The following TMTC1 variants were observed in gnomAD, a reference collection of about 807,000 sequenced individuals.
TMTC1 encodes transmembrane O-mannosyltransferase targeting cadherins 1, also known as protein O-mannosyl-transferase TMTC1.
In TMTC1, 73 loss-of-function variants were observed where a neutral mutation model predicts 104.8. That is an observed-to-expected ratio of 0.70 (90% confidence interval 0.58 to 0.85). TMTC1 has a LOEUF of 0.85. TMTC1 is among the 40% of genes least tolerant of loss of function. The probability of loss-of-function intolerance (pLI) is 0.00; values close to 1 mark genes in which losing one functional copy is unlikely to be tolerated. For missense variants in TMTC1, 1,035 were observed against 1,096.1 expected (o/e 0.94, Z 0.79); for synonymous variants, 434 against 428.7 (o/e 1.01, Z -0.15).
intron 9 of TMTC1, among the ~76,000 whole-genome samples, chr12:29,559,147 T>C (rs1945317580): frequency 6.6e-6 from 1 of 152,200 alleles, no homozygotes; most frequent in African/African-American, 2.4e-5. Context: ...TCCTTTTTCG[T>C]AGAGGAAATA....
At chr12:29,685,201 G>A (rs912675340) in intron 5 of TMTC1, among the ~76,000 whole-genome samples, 1 of 151,556 alleles carries the variant, frequency 6.6e-6, no homozygotes, top group Non-Finnish European at 1.5e-5. Context: ...ATTAACCAGA[G>A]CTATATTATT....
chr12:29,624,595 T>C (rs1937875130), intron 6 of TMTC1, among the ~76,000 whole-genome samples: 2 of 152,208 alleles, frequency 1.3e-5, no homozygotes, highest in Non-Finnish European at 2.9e-5. Context: ...GACTTGGCAC[T>C]GGCTTTCCCT....
chr12:29,682,356 A>G (rs931815369), intron 5 of TMTC1, among the ~76,000 whole-genome samples: 1 of 152,192 alleles, frequency 6.6e-6, no homozygotes, highest in Non-Finnish European at 1.5e-5. Context: ...TACAGTTACC[A>G]TAAAGCCCAT....
chr12:29,604,414 A>C (rs1946643930), intron 6 of TMTC1, 115 bp from the exon 7 acceptor site: 2 of 1,406,460 alleles, frequency 1.4e-6, no homozygotes, highest in African/African-American at 1.4e-5. Flanking sequence ...AAATTAGACC[A>C]ATATAAACCT....
intron 5 of TMTC1, among the ~76,000 whole-genome samples, chr12:29,661,843 C>T (rs1366067596): frequency 1.3e-5 from 2 of 152,090 alleles, no homozygotes; most frequent in Admixed American, 1.3e-4. Context: ...TTCTTGGAAC[C>T]AAACTAGGTT....
chr12:29,669,119 AC>A (rs904431229), intron 5 of TMTC1, among the ~76,000 whole-genome samples: 2 of 58,332 alleles, frequency 3.4e-5, no homozygotes, highest in African/African-American at 3.0e-4. Context: ...GCTCCAAGTG[AC>A]AAATGTAGCT....
chr12:29,621,941 C>A (rs766361387), intron 6 of TMTC1, among the ~76,000 whole-genome samples: 44 of 152,156 alleles, frequency 2.9e-4, no homozygotes, highest in Non-Finnish European at 4.3e-4. Context: ...AGATTTTTCC[C>A]CACATGGACA....
intron 5 of TMTC1, among the ~76,000 whole-genome samples, chr12:29,711,969 TG>T (rs1370407433): frequency 8.2e-6 from 1 of 121,330 alleles, no homozygotes; most frequent in Non-Finnish European, 1.6e-5. Context: ...ATCGTGCCAC[TG>T]CACTCCAGCC....
chr12:29,539,698 T>G (rs542257456), intron 10 of TMTC1, among the ~76,000 whole-genome samples: 1 of 152,372 alleles, frequency 6.6e-6, no homozygotes, highest in African/African-American at 2.4e-5. Flanking sequence ...TAAAAAAGAC[T>G]TTAGTGCTCT....
intron 11 of TMTC1, 195 bp downstream of exon 11, chr12:29,536,013 TA>T: frequency 1.8e-6 from 1 of 562,692 alleles, no homozygotes. Context: ...CATCTTTGTC[TA>T]AAAGCGACCT....
chr12:29,678,994 A>T (rs1940823220), intron 5 of TMTC1, among the ~76,000 whole-genome samples: 1 of 152,222 alleles, frequency 6.6e-6, no homozygotes, highest in Non-Finnish European at 1.5e-5. Flanking sequence ...AAATGCACAG[A>T]AAGAGTTATG....
intron 5 of TMTC1, among the ~76,000 whole-genome samples, chr12:29,651,202 T>C (rs1195045242): frequency 6.6e-6 from 1 of 152,192 alleles, no homozygotes; most frequent in Non-Finnish European, 1.5e-5. Context: ...GGAAATTTTT[T>C]TGTAGCTACC....
chr12:29,765,651 G>A (rs142423228), intron 2 of TMTC1, among the ~76,000 whole-genome samples: 1,916 of 151,902 alleles, frequency 0.013, 36 homozygotes, highest in African/African-American at 0.043. Flanking sequence ...AAATAAAACA[G>A]AAAATGATAA....
chr12:29,716,480 T>C (rs302378), intron 5 of TMTC1, among the ~76,000 whole-genome samples: 35,517 of 152,082 alleles, frequency 0.23, 4,990 homozygotes, highest in Admixed American at 0.32. Context: ...ATAACATTAA[T>C]ACTGTTTTAA....
intron 10 of TMTC1, among the ~76,000 whole-genome samples, chr12:29,549,340 T>C (rs985396921): frequency 6.6e-6 from 1 of 151,864 alleles, no homozygotes; most frequent in African/African-American, 2.4e-5. Flanking sequence ...AACTAACTTA[T>C]CGTAAAAAAA....
At chr12:29,600,444 C>A (rs1443856741) in intron 7 of TMTC1, among the ~76,000 whole-genome samples, 1 of 152,116 alleles carries the variant, frequency 6.6e-6, no homozygotes, top group South Asian at 2.1e-4. Context: ...AGTTTCCTTA[C>A]CCAGACTTTA....
In TMTC1 at chr12:29,593,571, ACTG is replaced by A. The variant is rs1246223127; in HGVS notation, c.1251-10000_1251-9998del. Among the ~76,000 whole-genome samples, 7 of 152,348 alleles carry A rather than the reference ACTG, an allele frequency of 4.6e-5. No individual in the cohort carries two copies. The East Asian group carries it at 1.4e-3, about 29-fold the overall frequency. On this transcript the variant is annotated intron_variant, in intron 7 of 17. Coordinates refer to ENST00000539277, the MANE Select transcript of TMTC1 (RefSeq NM_001193451.2). ...ACAGATATTGCAGAAGGTAAGATAC[ACTG>A]GTAGTATGTGAACTATTGTAGTCAC...
At chr12:29,568,272 G>A (rs567405149) in intron 9 of TMTC1, among the ~76,000 whole-genome samples, 1 of 152,272 alleles carries the variant, frequency 6.6e-6, no homozygotes, top group Admixed American at 6.5e-5. Context: ...GCCTGGTCTT[G>A]CAAAGCGATA....
At chr12:29,513,575 C>T (rs912548416) in intron 16 of TMTC1, among the ~76,000 whole-genome samples, 1 of 152,134 alleles carries the variant, frequency 6.6e-6, no homozygotes, top group Non-Finnish European at 1.5e-5. Context: ...TATTTCCCAA[C>T]ACAATTGTAT....
Sources: gnomAD v4.1 joint callset for allele counts (sites outside exome capture counted in the v4.1 genomes callset) on GRCh38, gnomAD v4.1.1 for gene constraint, MANE v1.5 for transcripts, NCBI Gene and HGNC (gene_info 2026-07-23, HGNC 2026-07-21) for gene names.